The following PPP1R3C variants were observed in gnomAD, a reference collection of about 807,000 sequenced individuals.
The protein encoded by PPP1R3C is PP1 subunit R5.
PPP1R3C carries 20 observed loss-of-function variants against 29.3 expected under a neutral mutation model. The ratio of observed to expected loss-of-function variants is 0.68; its 90% confidence interval spans 0.48 to 0.99. The LOEUF is 0.99. PPP1R3C is among the 50% of genes least tolerant of loss of function. The pLI is 0.00. For synonymous variants in PPP1R3C, 123 were observed against 143.1 expected (o/e 0.86, Z 1.00); for missense variants, 321 against 386.0 (o/e 0.83, Z 1.41).
At chr10:91,632,558 A>C (rs1190202221) in intron 1 of PPP1R3C, among the ~76,000 whole-genome samples, 1 of 152,188 alleles carries the variant, frequency 6.6e-6, no homozygotes, top group Non-Finnish European at 1.5e-5. Flanking sequence ...GAATGAATGC[A>C]AACGTCGTCC....
rs1848733483 is a variant in PPP1R3C, at chr10:91,633,011, C to T, written c.-42G>A. ...GGACCCTAAAAGCCAGCACCCGCTG[C>T]CTGCACAAATTCGAACCACAGCTCC... On this transcript the variant is annotated 5_prime_UTR_variant, in exon 1 of 2. Transcript: ENST00000238994. The T allele has an allele frequency of 1.2e-6, 2 of 1,606,400 alleles. No individual in the cohort carries two copies. Among genetic ancestry groups the T allele is most frequent in the Non-Finnish European group, 1.7e-6 (2 of 1,176,510 alleles).
In PPP1R3C at chr10:91,630,985, C is replaced by T. The variant is rs1003464422; in HGVS notation, c.15-119G>A. 1 of 838,010 alleles carries T rather than the reference C, an allele frequency of 1.2e-6. No individual in the cohort carries two copies. Among genetic ancestry groups the T allele is most frequent in the Non-Finnish European group, 2.0e-6 (1 of 506,818 alleles). 51.9% of individuals were successfully genotyped at this position (838,010 alleles called of 1,614,324 possible). The stretch of plus-strand genomic sequence containing the variant: ...TATAGCCAGTGCACTAGATATCAGG[C>T]AGGTGCTATCATATGTAGTAAAAGA... On this transcript the variant is annotated intron_variant, in intron 1 of 1. Coordinates refer to ENST00000238994, the MANE Select transcript of PPP1R3C (RefSeq NM_005398.7). This position sits in a 1 kb window ranked among gnomAD's most constrained non-coding sequence, Gnocchi z 4.4.
Position 91,630,382 on chromosome 10 carries a change from G to A in PPP1R3C, c.499C>T (p.Arg167Ter), listed in dbSNP as rs765361143. The A allele has an allele frequency of 1.2e-5, 20 of 1,614,010 alleles. No individual in the cohort carries two copies. The highest frequency in any genetic ancestry group is 8.8e-5 in the South Asian group (8 of 91,088). Residue 167 changes from arginine (R) to a stop codon, truncating the protein, a stop_gained, in exon 2 of 2, where the codon CGA (arginine) becomes TGA (stop). Transcript: ENST00000238994. LOFTEE classifies it high-confidence loss of function. The surrounding 1 kb of genome is among the most constrained non-coding windows in gnomAD (Gnocchi z 4.4). ...VCLENCSLQE[R>*]TVTGTVKVKN... Reference sequence around the variant, plus strand: ...ACTTTAACAGTCCCTGTCACTGTTCGCTCTTGCAACGAGCAGTTCTCCAGA... The same window carrying A: ...ACTTTAACAGTCCCTGTCACTGTTCACTCTTGCAACGAGCAGTTCTCCAGA...
Position 91,630,945 on chromosome 10 carries a change from T to A in PPP1R3C, c.15-79A>T. 1 of 1,273,886 alleles carries A rather than the reference T, an allele frequency of 7.9e-7. No individual in the cohort carries two copies. Among genetic ancestry groups the A allele is most frequent in the Non-Finnish European group, 1.1e-6 (1 of 889,514 alleles). 78.9% of individuals were successfully genotyped at this position (1,273,886 alleles called of 1,614,324 possible). A position where few individuals can be genotyped will look rare whatever the true frequency, so the allele number is the denominator to read the frequency against. ...AGTGCCAAATACATATGTACTATTT[T>A]TGTGCTGACTGAATTATAGCCAGTG... On this transcript the variant is annotated intron_variant, in intron 1 of 1. Transcript: ENST00000238994. The surrounding 1 kb of genome is among the most constrained non-coding windows in gnomAD (Gnocchi z 4.4).
chr10:91,630,030 G>A lies in PPP1R3C; in HGVS notation c.851C>T (p.Thr284Ile), dbSNP rs1434619223. 1.2e-6 allele frequency: 2 copies of A among 1,614,228 alleles called. No homozygotes were observed. The highest frequency in any genetic ancestry group is 1.7e-6 in the Non-Finnish European group (2 of 1,180,044). ...DCAFHQTSPK[T>I]ELESTIFGSP... is the part of the protein sequence containing the mutation. ...GCCAAAGATTGTTGACTCTAACTCTGTCTTAGGAGACGTCTGGTGGAATGC... is the reference window on the plus strand; with the variant it reads ...GCCAAAGATTGTTGACTCTAACTCTATCTTAGGAGACGTCTGGTGGAATGC... Residue 284 changes from threonine (T) to isoleucine (I), a missense_variant, in exon 2 of 2, where the codon ACA becomes ATA. Thr to Ile is a moderately conservative substitution (Grantham distance 89). Transcript: ENST00000238994. The surrounding 1 kb of genome is among the most constrained non-coding windows in gnomAD (Gnocchi z 4.4).
In PPP1R3C at chr10:91,630,569, G is replaced by T. The variant is rs767474198; in HGVS notation, c.312C>A (p.Leu104=). Reference sequence around the variant, plus strand: ...GCAGATCCCACGCTGGTTCTTCTGGGAGGTCGGAGAAGACATGGATCGCAG... The same window carrying T: ...GCAGATCCCACGCTGGTTCTTCTGGTAGGTCGGAGAAGACATGGATCGCAG... ...SLTAIHVFSD[L]PEEPAWDLQF... is the part of the protein sequence containing the mutation. The change falls in exon 2 of 2, where the codon CTC becomes CTA. Residue 104 remains leucine (L), a synonymous_variant. Transcript: ENST00000238994. The surrounding 1 kb of genome is among the most constrained non-coding windows in gnomAD (Gnocchi z 4.4). 1 of 1,613,982 alleles carries T rather than the reference G, an allele frequency of 6.2e-7. No individual in the cohort carries two copies. Among genetic ancestry groups the T allele is most frequent in the Non-Finnish European group, 8.5e-7 (1 of 1,179,874 alleles).
chr10:91,630,061 C>A lies in PPP1R3C; in HGVS notation c.820G>T (p.Asp274Tyr), dbSNP rs569332717. 1.2e-6 allele frequency: 2 copies of A among 1,614,198 alleles called. No homozygotes were observed. The highest frequency in any genetic ancestry group is 4.5e-5 in the East Asian group (2 of 44,886). The change falls in exon 2 of 2, where the codon GAC becomes TAC. Residue 274 changes from aspartate (D) to tyrosine (Y), a missense_variant. Transcript: ENST00000238994. This position sits in a 1 kb window ranked among gnomAD's most constrained non-coding sequence, Gnocchi z 4.4. ...DGVQTQMAPQ[D>Y]CAFHQTSPKT... ...GGAGACGTCTGGTGGAATGCACAGT[C>A]CTGGGGTGCCATCTGTGTCTGCACC...
Position 91,630,174 on chromosome 10 carries a change from A to T in PPP1R3C, c.707T>A (p.Ile236Asn). 1 of 1,614,238 alleles carries T rather than the reference A, an allele frequency of 6.2e-7. No individual in the cohort carries two copies. Among genetic ancestry groups the T allele is most frequent in the Non-Finnish European group, 8.5e-7 (1 of 1,180,042 alleles). Residue 236 changes from isoleucine (I) to asparagine (N), a missense_variant, in exon 2 of 2, where the codon ATT becomes AAT. Coordinates refer to ENST00000238994, the MANE Select transcript of PPP1R3C (RefSeq NM_005398.7). This position sits in a 1 kb window ranked among gnomAD's most constrained non-coding sequence, Gnocchi z 4.4. ...GACTTGCCCATTAGCATGGTAAGAA[A>T]TGCAGAACTCAATTTTCTGCTCAGT... is the stretch of plus-strand genomic sequence containing the variant. The part of the protein sequence containing the change: ...IPTEQKIEFC[I>N]SYHANGQVFW...
At chr10:91,632,709 C>T (rs1185761420) in intron 1 of PPP1R3C, among the ~76,000 whole-genome samples, 1 of 152,158 alleles carries the variant, frequency 6.6e-6, no homozygotes, top group Non-Finnish European at 1.5e-5. Context: ...CTAACTCAAG[C>T]TGATTCACGT....
Position 91,630,732 on chromosome 10 carries a change from T to C in PPP1R3C, c.149A>G (p.His50Arg). The change falls in exon 2 of 2, where the codon CAT (histidine) becomes CGT (arginine). Residue 50 changes from histidine (H) to arginine (R), a missense_variant. By Grantham distance (29) the His-to-Arg change is conservative. Transcript: ENST00000238994. This position sits in a 1 kb window ranked among gnomAD's most constrained non-coding sequence, Gnocchi z 4.4. The part of the protein sequence containing the change: ...LGPYDEFQRR[H>R]FVNKLKPLKS... ...CAGGGGCTTTAATTTATTCACAAAA[T>C]GTCGTCGTTGAAATTCATCGTACGG... The C allele has an allele frequency of 1.9e-6, 3 of 1,614,210 alleles. No homozygotes were observed. Among genetic ancestry groups the C allele is most frequent in the Middle Eastern group, 1.6e-4 (1 of 6,062 alleles).
At position 91,629,863 on chromosome 10, in the gene PPP1R3C, A is replaced by G. The variant is rs942221313; in HGVS notation, c.*64T>C. 1 of 1,557,006 alleles carries G rather than the reference A, an allele frequency of 6.4e-7. No homozygotes were observed. The highest frequency in any genetic ancestry group is 1.4e-5 in the African/African-American group (1 of 73,808). ...TAGCAAAGGCTTCCTAAAATTGAGC[A>G]ATACAGACCTAGGATTGCATGGGGG... is the stretch of plus-strand genomic sequence containing the variant. On this transcript the variant is annotated 3_prime_UTR_variant, in exon 2 of 2. Coordinates refer to ENST00000238994, the MANE Select transcript of PPP1R3C (RefSeq NM_005398.7).
rs908166914 is a variant in PPP1R3C at position 91,629,857 on chromosome 10, T to C, written c.*70A>G. 6 of 1,529,288 alleles carry C rather than the reference T, an allele frequency of 3.9e-6. No individual in the cohort carries two copies. Among genetic ancestry groups the C allele is most frequent in the Admixed American group, 1.7e-5 (1 of 59,692 alleles). The allele number at this position is 1,529,288 out of a possible 1,614,324, so 94.7% of individuals were successfully genotyped here. A position where few individuals can be genotyped will look rare whatever the true frequency, so the allele number is the denominator to read the frequency against. ...ATGGAGTAGCAAAGGCTTCCTAAAA[T>C]TGAGCAATACAGACCTAGGATTGCA... On this transcript the variant is annotated 3_prime_UTR_variant, in exon 2 of 2. Coordinates refer to ENST00000238994, the MANE Select transcript of PPP1R3C (RefSeq NM_005398.7).
rs539155925 is a variant in PPP1R3C at position 91,632,408 on chromosome 10, T to G, written c.14+548A>C. Among the ~76,000 whole-genome samples the G allele has an allele frequency of 2.7e-4, 41 of 152,012 alleles. No homozygotes were observed. In the East Asian group the frequency reaches 7.5e-3, roughly 28 times the overall value. ...TTTTTTTTGGTTTTTTTGTTTTTTT[T>G]TTTTTACTTTTTGCATTTATAGAAA... is the stretch of plus-strand genomic sequence containing the variant. On this transcript the variant is annotated intron_variant, in intron 1 of 1. Coordinates refer to ENST00000238994, the MANE Select transcript of PPP1R3C (RefSeq NM_005398.7).
In PPP1R3C at chr10:91,629,739, G is replaced by T; in HGVS notation, c.*188C>A. 1.6e-6 allele frequency: 1 copy of T among 637,804 alleles called. No individual in the cohort carries two copies. Among genetic ancestry groups the T allele is most frequent in the Non-Finnish European group, 2.7e-6 (1 of 369,822 alleles). 39.5% of individuals were successfully genotyped at this position (637,804 alleles called of 1,614,324 possible). On this transcript the variant is annotated 3_prime_UTR_variant, in exon 2 of 2. Transcript: ENST00000238994. The stretch of plus-strand genomic sequence containing the variant: ...TTACTTGATCCTTCAAAGCCAAATT[G>T]GGTAGCATCATCTGTACAGACCCCA...
Position 91,630,493 on chromosome 10 carries a change from C to A in PPP1R3C, c.388G>T (p.Glu130Ter). ...AAATCTAAAATCAAGTTTTTCTCCT[C>A]GTGGTGTTTTAAGGCAGAGGAGATA... ...NDISSALKHH[E>*]EKNLILDFPQ... is the part of the protein sequence containing the mutation. The change falls in exon 2 of 2, where the codon GAG becomes TAG. Residue 130 changes from glutamate to a stop codon, truncating the protein, a stop_gained. Transcript: ENST00000238994. LOFTEE classifies it high-confidence loss of function. This position sits in a 1 kb window ranked among gnomAD's most constrained non-coding sequence, Gnocchi z 4.4. The A allele has an allele frequency of 6.2e-7, 1 of 1,614,102 alleles. No individual in the cohort carries two copies. Among genetic ancestry groups the A allele is most frequent in the Non-Finnish European group, 8.5e-7 (1 of 1,180,038 alleles).
intron 1 of PPP1R3C, among the ~76,000 whole-genome samples, chr10:91,631,079 C>T (rs1389347195): frequency 2.0e-5 from 3 of 152,174 alleles, no homozygotes; most frequent in Non-Finnish European, 4.4e-5. Flanking sequence ...CTATTAATTG[C>T]TTAAAACACT....
In PPP1R3C at chr10:91,630,704, T is replaced by C. The variant is rs1848709238; in HGVS notation, c.177A>G (p.Lys59=). 1 of 1,614,168 alleles carries C rather than the reference T, an allele frequency of 6.2e-7. No individual in the cohort carries two copies. Among genetic ancestry groups the C allele is most frequent in the Non-Finnish European group, 8.5e-7 (1 of 1,180,002 alleles). The change falls in exon 2 of 2, where the codon AAA becomes AAG. Residue 59 remains lysine, a synonymous_variant. Transcript: ENST00000238994. The surrounding 1 kb of genome is among the most constrained non-coding windows in gnomAD (Gnocchi z 4.4). ...RHFVNKLKPL[K]SCLNIKHKAK... ...CTTTGTGTTTTATATTGAGACATGA[T>C]TTCAGGGGCTTTAATTTATTCACAA...
chr10:91,630,603 A>G lies in PPP1R3C; in HGVS notation c.278T>C (p.Leu93Pro). The G allele has an allele frequency of 1.9e-6, 3 of 1,611,728 alleles. No homozygotes were observed. The highest frequency in any genetic ancestry group is 2.5e-6 in the Non-Finnish European group (3 of 1,178,202). Residue 93 changes from leucine (L) to proline (P), a missense_variant, in exon 2 of 2, where the codon CTC becomes CCC. Transcript: ENST00000238994. The surrounding 1 kb of genome is among the most constrained non-coding windows in gnomAD (Gnocchi z 4.4). ...GAAGACATGGATCGCAGTGAGAGAG[A>G]GGCCCTTGGAGTCAGCAAACACAAC... is the stretch of plus-strand genomic sequence containing the variant. Reference protein sequence around the residue: ...KRVVFADSKGLSLTAIHVFSD... With the variant: ...KRVVFADSKGPSLTAIHVFSD...
In PPP1R3C at chr10:91,628,681, C is replaced by T. The variant is rs1848680687; in HGVS notation, c.*1246G>A. 6.6e-6 allele frequency: 1 copy of T among 152,144 alleles called. No homozygotes were observed. The highest frequency in any genetic ancestry group is 2.1e-4 in the South Asian group (1 of 4,832). The allele number at this position is 152,144 out of a possible 1,614,324, so 9.4% of individuals were successfully genotyped here. ...GAAGCAACATTCTGGGACTCTTTTT[C>T]TTAAGATCCTACAGAATGAATTTAT... On this transcript the variant is annotated 3_prime_UTR_variant, in exon 2 of 2. Coordinates refer to ENST00000238994, the MANE Select transcript of PPP1R3C (RefSeq NM_005398.7).
Sources: allele counts gnomAD v4.1 joint callset (sites outside exome capture counted in the v4.1 genomes callset), GRCh38; gene constraint gnomAD v4.1.1; non-coding constraint Gnocchi (gnomAD v3.1); transcripts MANE v1.5; gene names NCBI Gene and HGNC (gene_info 2026-07-23, HGNC 2026-07-21).